The following GBF1 variants were observed in gnomAD, a reference collection of about 807,000 sequenced individuals.
The protein encoded by GBF1 is golgi brefeldin A resistant guanine nucleotide exchange factor 1.
GBF1 carries 114 observed loss-of-function variants against 210.5 expected under a neutral mutation model. That is an observed-to-expected ratio of 0.54 (90% CI 0.47 to 0.63). GBF1 has a LOEUF of 0.63. Among genes scored for constraint, GBF1 ranks in the 30% least tolerant of loss-of-function variants. GBF1 has a pLI of 0.00. For missense variants in GBF1, 1,851 were observed against 2,357.7 expected, an observed-to-expected ratio of 0.79 and a Z score of 4.45; for synonymous variants, 850 against 889.2, an observed-to-expected ratio of 0.96 and a Z score of 0.78.
chr10:102,256,716 A>G (rs2072444192), intron 1 of GBF1, among the ~76,000 whole-genome samples: 1 of 151,866 alleles, frequency 6.6e-6, no homozygotes, highest in South Asian at 2.1e-4. Flanking sequence ...GATGGGTTTC[A>G]CCATGTTGGC....
chr10:102,345,578 C>T (rs1368920531), intron 4 of GBF1, among the ~76,000 whole-genome samples: 1 of 127,586 alleles, frequency 7.8e-6, no homozygotes, highest in African/African-American at 3.0e-5. Flanking sequence ...ACCCGGGAGG[C>T]GGAAGTTACA....
chr10:102,258,822 G>T, intron 1 of GBF1, 107 bp from the exon 2 acceptor site: 36 of 530,382 alleles, frequency 6.8e-5, no homozygotes, highest in Non-Finnish European at 9.2e-5. Context: ...TCTTGGTACT[G>T]AAAAGTTAAA....
intron 3 of GBF1, among the ~76,000 whole-genome samples, chr10:102,311,576 G>A (rs1038188397): frequency 1.2e-4 from 18 of 152,176 alleles, no homozygotes; most frequent in Admixed American, 7.2e-4. Flanking sequence ...GGGAACTTAC[G>A]AACCTTGGTT....
At chr10:102,337,270 C>CG (rs907005261) in intron 3 of GBF1, among the ~76,000 whole-genome samples, 5 of 88,730 alleles carry the variant, frequency 5.6e-5, no homozygotes, top group Admixed American at 5.3e-4. Context: ...CCCAGGTACT[C>CG]GGGGGGCTGA....
At chr10:102,327,714 C>T (rs1048464904) in intron 3 of GBF1, among the ~76,000 whole-genome samples, 3 of 152,116 alleles carry the variant, frequency 2.0e-5, no homozygotes, top group Non-Finnish European at 4.4e-5. Flanking sequence ...AGTGGTCATC[C>T]GTCACAAGAA....
chr10:102,284,593 A>C (rs2075789580), intron 3 of GBF1, among the ~76,000 whole-genome samples: 1 of 152,334 alleles, frequency 6.6e-6, no homozygotes, highest in Admixed American at 6.5e-5. Context: ...ATGAATCAGC[A>C]CTTCAATTCT....
Position 102,369,754 on chromosome 10 carries a change from G to C in GBF1, c.3194G>C (p.Arg1065Pro). 6.2e-7 allele frequency: 1 copy of C among 1,614,068 alleles called. No individual in the cohort carries two copies. The highest frequency in any genetic ancestry group is 8.5e-7 in the Non-Finnish European group (1 of 1,179,914). The change falls in exon 25 of 40, where the codon CGG (arginine) becomes CCG (proline). Residue 1065 changes from arginine (R) to proline (P), a missense_variant. Physicochemically the swap from Arg to Pro is moderately radical, Grantham distance 103. This residue lies in a region of GBF1 where 967 missense variants were observed against 1,247.7 expected (regional missense o/e 0.78). Transcript: ENST00000369983. Reference protein sequence around the residue: ...VDPNGKISLQREETPSNRGES... With the variant: ...VDPNGKISLQPEETPSNRGES... ...CCCAATGGCAAGATCTCTCTACAGC[G>C]GGAAGAGACACCATCAAACCGGTAA...
At chr10:102,305,881 A>G (rs1021469498) in intron 3 of GBF1, among the ~76,000 whole-genome samples, 1 of 152,192 alleles carries the variant, frequency 6.6e-6, no homozygotes, top group Non-Finnish European at 1.5e-5. Flanking sequence ...AGTGTGAAGT[A>G]CTGTTCTGGG....
chr10:102,258,871 T>A, intron 1 of GBF1, 58 bp from the exon 2 acceptor site: 2 of 847,124 alleles, frequency 2.4e-6, no homozygotes, highest in Non-Finnish European at 4.1e-6. Flanking sequence ...TTTTTAAACT[T>A]GGGTATGCTT....
intron 8 of GBF1, among the ~76,000 whole-genome samples, chr10:102,357,507 G>A (rs2059362008): frequency 6.6e-6 from 1 of 151,372 alleles, no homozygotes; most frequent in Non-Finnish European, 1.5e-5. Flanking sequence ...AAAAAAATAT[G>A]TTTATGGCTT....
rs749659035 is a variant in GBF1 at position 102,377,089 on chromosome 10, C to T, written c.4443C>T (p.Asp1481=). ...GCGGGCAGAGTGATGATGATGAGGA[C>T]GAAGGCGTGCCTGCCAGCTACCATA... ...SRGGQSDDDE[D]EGVPASYHTV... is the part of the protein sequence containing the mutation. Residue 1481 remains aspartate (D), a synonymous_variant, in exon 33 of 40, where the codon GAC becomes GAT. Transcript: ENST00000369983. The T allele has an allele frequency of 2.7e-5, 44 of 1,614,016 alleles. No individual in the cohort carries two copies. The highest frequency in any genetic ancestry group is 1.6e-4 in the Middle Eastern group (1 of 6,082).
chr10:102,248,274 T>TA (rs1428513080), intron 1 of GBF1, among the ~76,000 whole-genome samples: 1 of 152,114 alleles, frequency 6.6e-6, no homozygotes, highest in African/African-American at 2.4e-5. Flanking sequence ...GTTTAGCTGT[T>TA]ACTCTTTTTT....
Position 102,351,393 on chromosome 10 carries a change from G to T in GBF1, c.414+19G>T. 7.8e-7 allele frequency: 1 copy of T among 1,288,614 alleles called. No individual in the cohort carries two copies. The highest frequency in any genetic ancestry group is 1.8e-4 in the Middle Eastern group (1 of 5,418). The allele number at this position is 1,288,614 out of a possible 1,614,324, so 79.8% of individuals were successfully genotyped here. On this transcript the variant is annotated intron_variant, in intron 5 of 39. Coordinates refer to ENST00000369983, the MANE Select transcript of GBF1 (RefSeq NM_001377137.1). Reference sequence around the variant, plus strand: ...CCTTCAGGTAAGCGAGAGGGAAATAGCAATTAGGCTAATGGCCAGGGGCTG... The same window carrying T: ...CCTTCAGGTAAGCGAGAGGGAAATATCAATTAGGCTAATGGCCAGGGGCTG...
rs140593622 is a variant in GBF1, at chr10:102,353,671, G to C, written c.639+17G>C. On this transcript the variant is annotated intron_variant, in intron 8 of 39. Coordinates refer to ENST00000369983, the MANE Select transcript of GBF1 (RefSeq NM_001377137.1). Reference sequence around the variant, plus strand: ...ATGAAGAAGGTATGATCTGAGAGCTGATCTGCTGTCCCTCATCCAAACCTT... The same window carrying C: ...ATGAAGAAGGTATGATCTGAGAGCTCATCTGCTGTCCCTCATCCAAACCTT... 635 of 1,591,630 alleles carry C rather than the reference G, an allele frequency of 4.0e-4. No individual in the cohort carries two copies. The highest frequency in any genetic ancestry group is 4.9e-4 in the Non-Finnish European group (572 of 1,159,500).
chr10:102,257,925 C>T (rs532784408), intron 1 of GBF1, among the ~76,000 whole-genome samples: 1 of 152,134 alleles, frequency 6.6e-6, no homozygotes, highest in African/African-American at 2.4e-5. Context: ...GCTGACATTA[C>T]AGTTGTATCT....
At chr10:102,342,395 A>G (rs2058256949) in intron 3 of GBF1, among the ~76,000 whole-genome samples, 1 of 151,658 alleles carries the variant, frequency 6.6e-6, no homozygotes, top group African/African-American at 2.4e-5. Context: ...ACACGCACAC[A>G]CACACACACA....
In GBF1 at chr10:102,353,592, T is replaced by C. The variant is rs367580735; in HGVS notation, c.585-8T>C. On this transcript the variant is annotated splice_region_variant and splice_polypyrimidine_tract_variant and intron_variant, in intron 7 of 39. Coordinates refer to ENST00000369983, the MANE Select transcript of GBF1 (RefSeq NM_001377137.1). ...CTAATGACAGTTGATGGATTTTCTA[T>C]CTTATAGGTTACCTCAGTTTAAAGA... is the stretch of plus-strand genomic sequence containing the variant. 11 of 1,587,624 alleles carry C rather than the reference T, an allele frequency of 6.9e-6. No individual in the cohort carries two copies. The highest frequency in any genetic ancestry group is 1.3e-5 in the African/African-American group (1 of 74,372).
chr10:102,343,263 C>A (rs2058319175), intron 3 of GBF1, among the ~76,000 whole-genome samples: 1 of 152,138 alleles, frequency 6.6e-6, no homozygotes, highest in African/African-American at 2.4e-5. Context: ...ATATGCTGCA[C>A]TCTTTCTCTA....
chr10:102,235,930 G>C, the GBF1 span, among the ~76,000 whole-genome samples: 2 of 152,248 alleles, frequency 1.3e-5, no homozygotes, highest in Non-Finnish European at 2.9e-5. Context: ...CCACTTTGGG[G>C]ACAAGGGACT....
Sources: gnomAD v4.1 joint callset for allele counts (sites outside exome capture counted in the v4.1 genomes callset) on GRCh38, gnomAD v4.1.1 for gene constraint, gnomAD v4.1.1 regional missense constraint, MANE v1.5 for transcripts, NCBI Gene and HGNC (gene_info 2026-07-23, HGNC 2026-07-21) for gene names.